POU6F2: variants seen among roughly 807,000 people sequenced by gnomAD.
The protein encoded by POU6F2 is POU domain, class 6, transcription factor 2.
Under a neutral mutation model 71.3 loss-of-function variants are expected in POU6F2, and 31 were observed. The ratio of observed to expected loss-of-function variants is 0.43; its 90% confidence interval spans 0.33 to 0.59. POU6F2 has a LOEUF of 0.59. Ranked by LOEUF, POU6F2 falls within the 20% of genes least tolerant of loss-of-function variation. The probability of loss-of-function intolerance (pLI) is 0.04; values close to 1 mark genes in which losing one functional copy is unlikely to be tolerated. For missense variants in POU6F2, 783 were observed against 856.8 expected (o/e 0.91, Z 1.07); for synonymous variants, 347 against 355.7 (o/e 0.98, Z 0.27).
At chr7:39,456,722 T>A (rs903634092) in intron 8 of POU6F2, among the ~76,000 whole-genome samples, 1 of 152,242 alleles carries the variant, frequency 6.6e-6, no homozygotes, top group Admixed American at 6.5e-5. Flanking sequence ...TAAAGAAATC[T>A]GAGTGTTCAC....
chr7:39,252,735 G>A (rs1783948683), intron 4 of POU6F2, among the ~76,000 whole-genome samples: 1 of 152,050 alleles, frequency 6.6e-6, no homozygotes, highest in African/African-American at 2.4e-5. Flanking sequence ...TCCCTCAGAT[G>A]GGCACATGGC....
At chr7:38,982,372 A>T (rs745938712) in intron 1 of POU6F2, among the ~76,000 whole-genome samples, 2 of 152,158 alleles carry the variant, frequency 1.3e-5, no homozygotes, top group Non-Finnish European at 2.9e-5. Flanking sequence ...GAAAAAATAC[A>T]GATTAATTAA....
At chr7:39,210,019 G>A (rs1355320609) in intron 4 of POU6F2, among the ~76,000 whole-genome samples, 2 of 152,148 alleles carry the variant, frequency 1.3e-5, no homozygotes, top group African/African-American at 4.8e-5. Context: ...AGTCAACAGC[G>A]AGGGGAGAAG....
intron 5 of POU6F2, among the ~76,000 whole-genome samples, chr7:39,366,409 C>T (rs1786501478): frequency 6.6e-6 from 1 of 152,136 alleles, no homozygotes; most frequent in Non-Finnish European, 1.5e-5. Flanking sequence ...CATAATTCCA[C>T]AAGGCATGAC....
chr7:39,053,626 G>A (rs1790443897), intron 1 of POU6F2, among the ~76,000 whole-genome samples: 2 of 151,976 alleles, frequency 1.3e-5, no homozygotes, highest in Non-Finnish European at 2.9e-5. Flanking sequence ...TGTATAATCT[G>A]CAAGCATATG....
chr7:39,107,956 G>C (rs1791726770), intron 2 of POU6F2, among the ~76,000 whole-genome samples: 1 of 152,206 alleles, frequency 6.6e-6, no homozygotes, highest in South Asian at 2.1e-4. Flanking sequence ...AAAAGCCTTT[G>C]ATAGAGTCCA....
chr7:39,328,280 C>CA (rs1316630514), intron 4 of POU6F2, among the ~76,000 whole-genome samples: 1 of 152,124 alleles, frequency 6.6e-6, no homozygotes, highest in Non-Finnish European at 1.5e-5. Flanking sequence ...ACTGGATTTC[C>CA]AAAAATAGGA....
intron 8 of POU6F2, among the ~76,000 whole-genome samples, chr7:39,455,721 T>TA (rs145262689): frequency 0.061 from 9,193 of 151,648 alleles, 379 homozygotes; most frequent in Non-Finnish European, 0.092. Flanking sequence ...GAGCTAAATT[T>TA]AAAAAAACAA....
chr7:39,310,881 G>A (rs761908584), intron 4 of POU6F2, among the ~76,000 whole-genome samples: 29 of 152,164 alleles, frequency 1.9e-4, no homozygotes, highest in Non-Finnish European at 3.5e-4. Flanking sequence ...CCAAGACAGA[G>A]GTGAAGAGCT....
intron 5 of POU6F2, among the ~76,000 whole-genome samples, chr7:39,380,588 T>A (rs1786808068): frequency 6.6e-6 from 1 of 152,206 alleles, no homozygotes; most frequent in African/African-American, 2.4e-5. Flanking sequence ...AACATCAGTG[T>A]GAGAATACTA....
chr7:39,273,410 C>T (rs967474664), intron 4 of POU6F2, among the ~76,000 whole-genome samples: 2 of 152,188 alleles, frequency 1.3e-5, no homozygotes, highest in Non-Finnish European at 2.9e-5. Context: ...CTGTGGTGTT[C>T]TTTCCAAAAA....
intron 2 of POU6F2, among the ~76,000 whole-genome samples, chr7:39,113,520 A>T (rs1444464034): frequency 6.6e-6 from 1 of 152,198 alleles, no homozygotes; most frequent in Admixed American, 6.5e-5. Context: ...AGTTACATAG[A>T]CGAAACAGGA....
chr7:39,065,955 G>T (rs1466655362), intron 1 of POU6F2, among the ~76,000 whole-genome samples: 4 of 151,754 alleles, frequency 2.6e-5, no homozygotes, highest in African/African-American at 9.6e-5. Context: ...TAAGCCAATT[G>T]TCTTGATATT....
intron 4 of POU6F2, among the ~76,000 whole-genome samples, chr7:39,214,185 T>C (rs1794196040): frequency 1.3e-5 from 2 of 152,234 alleles, no homozygotes; most frequent in Admixed American, 1.3e-4. Context: ...CACCCTTCTC[T>C]TTCAATTAAA....
At chr7:39,113,203 G>A (rs1289100284) in intron 2 of POU6F2, among the ~76,000 whole-genome samples, 1 of 152,132 alleles carries the variant, frequency 6.6e-6, no homozygotes, top group African/African-American at 2.4e-5. Context: ...AAGTCCAGGA[G>A]AAAGTGCTCT....
chr7:38,990,096 C>G (rs1247385099), intron 1 of POU6F2, among the ~76,000 whole-genome samples: 1 of 152,070 alleles, frequency 6.6e-6, no homozygotes, highest in Admixed American at 6.6e-5. Flanking sequence ...CCATTCTTCA[C>G]AAAAACTCAA....
chr7:39,075,844 G>A (rs770900840), intron 1 of POU6F2, among the ~76,000 whole-genome samples: 11 of 152,196 alleles, frequency 7.2e-5, no homozygotes, highest in African/African-American at 1.4e-4. Flanking sequence ...ACTAATCCCC[G>A]GACTAGCTTG....
At chr7:39,002,642 C>T (rs1458409955) in intron 1 of POU6F2, among the ~76,000 whole-genome samples, 6 of 152,192 alleles carry the variant, frequency 3.9e-5, no homozygotes, top group Admixed American at 2.0e-4. Context: ...CCACCACACC[C>T]GGCCAGTGAT....
Position 39,008,996 on chromosome 7 carries a change from G to C in POU6F2, c.105+30938G>C, listed in dbSNP as rs139931886. On this transcript the variant is annotated intron_variant, in intron 1 of 9. Coordinates refer to ENST00000518318, the MANE Select transcript of POU6F2 (RefSeq NM_001370959.1). The stretch of plus-strand genomic sequence containing the variant: ...TGTTCTTTTGGCATAGGATTGACTT[G>C]GCGATGCAGGCTCTTTTTTGGTTCC... 5.2e-3 allele frequency among the ~76,000 whole-genome samples: 790 copies of C among 152,252 alleles called. 7 individuals are homozygous for C. The highest frequency in any genetic ancestry group is 0.024 in the South Asian group (118 of 4,818).
Sources: allele counts gnomAD v4.1 joint callset (sites outside exome capture counted in the v4.1 genomes callset), GRCh38; gene constraint gnomAD v4.1.1; transcripts MANE v1.5; gene names NCBI Gene and HGNC (gene_info 2026-07-23, HGNC 2026-07-21).